The following PLA2G7 variants were observed in gnomAD, a reference collection of about 807,000 sequenced individuals.
PLA2G7 encodes the protein platelet-activating factor acetylhydrolase.
Under a neutral mutation model 49.6 loss-of-function variants are expected in PLA2G7, and 63 were observed. The observed-to-expected ratio is 1.27, with a 90% CI of 1.04 to 1.57. The LOEUF (loss-of-function observed/expected upper bound fraction) is 1.57, where lower values mean the gene tolerates loss of function less well. Ranked by LOEUF, PLA2G7 falls within the 40% of genes most tolerant of loss-of-function variation. The pLI, the probability that PLA2G7 is intolerant of heterozygous loss-of-function variation, is 0.00. For missense variants in PLA2G7, 596 were observed against 521.2 expected (o/e 1.14, Z -1.40); for synonymous variants, 193 against 169.9 (o/e 1.14, Z -1.06).
At chr6:46,708,643 A>G (rs185931600) in intron 9 of PLA2G7, among the ~76,000 whole-genome samples, 4 of 152,306 alleles carry the variant, frequency 2.6e-5, no homozygotes, top group South Asian at 2.1e-4. Flanking sequence ...CATATGGAGC[A>G]TATCATTTGA....
chr6:46,734,064 G>A lies in PLA2G7; in HGVS notation c.-35+1116C>T, dbSNP rs892949862. Among the ~76,000 whole-genome samples the A allele has an allele frequency of 3.6e-4, 54 of 152,056 alleles. 1 individual carries two copies. The highest frequency in any genetic ancestry group is 3.5e-3 in the Admixed American group (53 of 15,268). On this transcript the variant is annotated intron_variant, in intron 1 of 11. Transcript: ENST00000274793. ...GAACCACAGGCATGAATAAAAGCCC[G>A]AACTTTTCGTTTTTGGTGACAGAAA...
At position 46,705,260 on chromosome 6, in the gene PLA2G7, G is replaced by A. The variant is rs1764773884; in HGVS notation, c.1082C>T (p.Thr361Ile). 6.2e-7 allele frequency: 1 copy of A among 1,611,108 alleles called. No individual in the cohort carries two copies. The highest frequency in any genetic ancestry group is 8.5e-7 in the Non-Finnish European group (1 of 1,177,604). ...GAGCATGTGTCCAATTATTTTGCCA[G>A]TTGCAAAAGTGAAGTCAGCAAAATT... ...HQNFADFTFA[T>I]GKIIGHMLKL... Residue 361 changes from threonine (T) to isoleucine (I), a missense_variant, in exon 11 of 12, where the codon ACT (threonine) becomes ATT (isoleucine). Coordinates refer to ENST00000274793, the MANE Select transcript of PLA2G7 (RefSeq NM_005084.4).
intron 8 of PLA2G7, among the ~76,000 whole-genome samples, chr6:46,710,051 G>T (rs892551409): frequency 5.3e-5 from 8 of 152,154 alleles, no homozygotes; most frequent in African/African-American, 1.9e-4. Context: ...GAGAGTGGCT[G>T]CTTGAGGGAT....
At position 46,709,334 on chromosome 6, in the gene PLA2G7, T is replaced by C; in HGVS notation, c.862A>G (p.Arg288Gly). Reference sequence around the variant, plus strand: ...ACTATCTTATTTTCTTACCTGAATCTCTGATCTTCACTAAGAGTCTGAATA... The same window carrying C: ...ACTATCTTATTTTCTTACCTGAATCCCTGATCTTCACTAAGAGTCTGAATA... ...TVIQTLSEDQRFRCGIALDAW... is the reference protein window; with the variant it reads ...TVIQTLSEDQGFRCGIALDAW... The change falls in exon 9 of 12, where the codon AGA (arginine) becomes GGA (glycine). Residue 288 changes from arginine to glycine, a missense_variant. Arg to Gly is a moderately radical substitution (Grantham distance 125). Transcript: ENST00000274793. The C allele has an allele frequency of 6.4e-7, 1 of 1,567,020 alleles. No individual in the cohort carries two copies. Among genetic ancestry groups the C allele is most frequent in the Non-Finnish European group, 8.8e-7 (1 of 1,137,590 alleles).
intron 2 of PLA2G7, among the ~76,000 whole-genome samples, chr6:46,722,393 G>A (rs1765427329): frequency 6.6e-6 from 1 of 152,162 alleles, no homozygotes; most frequent in Non-Finnish European, 1.5e-5. Flanking sequence ...TTCACCTCAT[G>A]GAAGCAGGTT....
intron 2 of PLA2G7, among the ~76,000 whole-genome samples, chr6:46,717,628 A>G (rs1765255833): frequency 6.6e-6 from 1 of 151,568 alleles, no homozygotes; most frequent in South Asian, 2.1e-4. Flanking sequence ...CAAGCCAGAA[A>G]CCTGGGAATC....
rs1358975611 is a variant in PLA2G7, at chr6:46,731,845, G to A, written c.-35+3335C>T. Among the ~76,000 whole-genome samples, 8 of 152,136 alleles carry A rather than the reference G, an allele frequency of 5.3e-5. No homozygotes were observed. In the South Asian group the frequency reaches 6.2e-4, roughly 12 times the overall value. On this transcript the variant is annotated intron_variant, in intron 1 of 11. Transcript: ENST00000274793. ...TTCCCATTTTGTAGATGGGAAATTC[G>A]AGACAGAGAAACATTAACTTCCCAC... is the stretch of plus-strand genomic sequence containing the variant.
chr6:46,710,706 C>T (rs1304619754), intron 7 of PLA2G7, 48 bp from the exon 8 acceptor site: 3 of 1,415,640 alleles, frequency 2.1e-6, no homozygotes, highest in Non-Finnish European at 3.0e-6. Context: ...AAAGTTATAA[C>T]ACTTATTTTA....
At chr6:46,730,771 CAAAT>C (rs1765712730) in intron 1 of PLA2G7, among the ~76,000 whole-genome samples, 1 of 152,078 alleles carries the variant, frequency 6.6e-6, no homozygotes, top group Non-Finnish European at 1.5e-5. Flanking sequence ...GTGAGTGAAA[CAAAT>C]AGATTTCTGG....
In PLA2G7 at chr6:46,708,075, G is replaced by A; in HGVS notation, c.956C>T (p.Ser319Phe). The A allele has an allele frequency of 6.2e-7, 1 of 1,601,502 alleles. No homozygotes were observed. Among genetic ancestry groups the A allele is most frequent in the South Asian group, 1.1e-5 (1 of 90,822 alleles). The change falls in exon 10 of 12, where the codon TCT becomes TTT. Residue 319 changes from serine to phenylalanine, a missense_variant. By Grantham distance (155) the Ser-to-Phe change is radical. Transcript: ENST00000274793. ...RIPQPLFFINSEYFQYPANII... is the reference protein window; with the variant it reads ...RIPQPLFFINFEYFQYPANII... The stretch of plus-strand genomic sequence containing the variant: ...ATTAGCAGGATATTGGAAATATTCA[G>A]AGTTGATAAAAAAGAGGGGCTGAGG...
chr6:46,716,854 A>C, intron 3 of PLA2G7, 121 bp downstream of exon 3: 1 of 1,006,110 alleles, frequency 9.9e-7, no homozygotes, highest in Non-Finnish European at 1.6e-6. Flanking sequence ...ATGAAACAAT[A>C]CAAATTGCAA....
At chr6:46,722,308 C>A (rs35589446) in intron 2 of PLA2G7, among the ~76,000 whole-genome samples, 12,986 of 152,174 alleles carry the variant, frequency 0.085, 787 homozygotes, top group African/African-American at 0.17. Context: ...GATCCCAAGA[C>A]CTGAAATTGT....
At chr6:46,732,902 T>A (rs546338195) in intron 1 of PLA2G7, among the ~76,000 whole-genome samples, 2 of 152,332 alleles carry the variant, frequency 1.3e-5, no homozygotes, top group Admixed American at 6.5e-5. Flanking sequence ...CTCAGTACTT[T>A]CTCTTCAATG....
chr6:46,723,233 A>G (rs1009659517), intron 1 of PLA2G7, among the ~76,000 whole-genome samples: 1 of 152,216 alleles, frequency 6.6e-6, no homozygotes, highest in African/African-American at 2.4e-5. Flanking sequence ...AAAATAGCCA[A>G]CAAAATATAA....
chr6:46,735,028 G>C (rs1232870407), intron 1 of PLA2G7, among the ~76,000 whole-genome samples, 152 bp downstream of exon 1: 1 of 152,100 alleles, frequency 6.6e-6, no homozygotes, highest in African/African-American at 2.4e-5. Context: ...GTTTCCGAGG[G>C]CTGCAGGGAC....
chr6:46,725,101 T>C (rs1749580759), intron 1 of PLA2G7, among the ~76,000 whole-genome samples: 1 of 152,170 alleles, frequency 6.6e-6, no homozygotes, highest in African/African-American at 2.4e-5. Context: ...GATGATATGG[T>C]ACAAGTTCTG....
At chr6:46,713,285 C>T (rs747796965) in intron 5 of PLA2G7, among the ~76,000 whole-genome samples, 2 of 152,142 alleles carry the variant, frequency 1.3e-5, no homozygotes, top group African/African-American at 2.4e-5. Flanking sequence ...AGATACAGGA[C>T]CTTTTCAAGA....
intron 1 of PLA2G7, among the ~76,000 whole-genome samples, chr6:46,728,158 A>G (rs1381982469): frequency 6.6e-6 from 1 of 152,222 alleles, no homozygotes; most frequent in African/African-American, 2.4e-5. Context: ...GCTGAAGAAG[A>G]TAAAATCTTC....
At chr6:46,723,161 G>T (rs1005651409) in intron 1 of PLA2G7, among the ~76,000 whole-genome samples, 4 of 152,150 alleles carry the variant, frequency 2.6e-5, no homozygotes, top group African/African-American at 9.7e-5. Context: ...AATACTTTCA[G>T]ACAGTTAGAT....
Sources: allele counts gnomAD v4.1 joint callset (sites outside exome capture counted in the v4.1 genomes callset), GRCh38; gene constraint gnomAD v4.1.1; transcripts MANE v1.5; gene names NCBI Gene and HGNC (gene_info 2026-07-23, HGNC 2026-07-21).